The following GALNT10 variants were observed in gnomAD, a reference collection of about 807,000 sequenced individuals.
GALNT10 encodes GalNAc transferase 10.
A neutral mutation model predicts 75.0 loss-of-function variants in GALNT10; 41 were observed. That is an observed-to-expected ratio of 0.55 (90% confidence interval 0.43 to 0.71). The LOEUF is 0.71. GALNT10 is among the 30% of genes least tolerant of loss of function. The pLI, the probability that GALNT10 is intolerant of heterozygous loss-of-function variation, is 0.00. For missense variants in GALNT10, 727 were observed against 818.5 expected, an observed-to-expected ratio of 0.89 and a Z score of 1.36; for synonymous variants, 302 against 313.0, an observed-to-expected ratio of 0.96 and a Z score of 0.37.
rs1334270010 is a variant in GALNT10 at position 154,415,756 on chromosome 5, C to T, written c.1504-27C>T. On this transcript the variant is annotated intron_variant, in intron 10 of 11. Coordinates refer to ENST00000297107, the MANE Select transcript of GALNT10 (RefSeq NM_198321.4). ...AAAAGAAAGTCCTTGGCTTTGCTATCCCTATTTATGATGCCCCTGTGCACA... is the reference window on the plus strand; with the variant it reads ...AAAAGAAAGTCCTTGGCTTTGCTATTCCTATTTATGATGCCCCTGTGCACA... 3.1e-6 allele frequency: 5 copies of T among 1,594,248 alleles called. No homozygotes were observed. In the Admixed American group the frequency reaches 9.0e-5, roughly 29 times the overall value.
intron 1 of GALNT10, among the ~76,000 whole-genome samples, chr5:154,262,754 T>C (rs1753718026): frequency 6.6e-6 from 1 of 152,140 alleles, no homozygotes; most frequent in South Asian, 2.1e-4. Flanking sequence ...AAGTTGTCAG[T>C]GCAATGGGCA....
At chr5:154,349,195 G>A (rs1354029705) in intron 4 of GALNT10, among the ~76,000 whole-genome samples, 1 of 152,022 alleles carries the variant, frequency 6.6e-6, no homozygotes, top group African/African-American at 2.4e-5. Flanking sequence ...TAAGGGAACA[G>A]CATAAGCAAA....
At chr5:154,210,011 A>G (rs950982019) in intron 1 of GALNT10, among the ~76,000 whole-genome samples, 1 of 149,736 alleles carries the variant, frequency 6.7e-6, no homozygotes, top group African/African-American at 2.6e-5. Context: ...TTATTTTTTT[A>G]AAGTTATTTA....
chr5:154,347,313 C>T (rs1365745059), intron 4 of GALNT10: 1 of 438,962 alleles, frequency 2.3e-6, no homozygotes, highest in East Asian at 8.6e-5. Context: ...GAGTGATACA[C>T]TATTATGCAC....
intron 1 of GALNT10, among the ~76,000 whole-genome samples, chr5:154,213,147 A>G (rs1006828450): frequency 6.6e-6 from 1 of 152,186 alleles, no homozygotes; most frequent in African/African-American, 2.4e-5. Context: ...TGTGATGAGC[A>G]TTAGGTGCTA....
At chr5:154,209,562 G>A (rs767981653) in intron 1 of GALNT10, among the ~76,000 whole-genome samples, 18 of 152,204 alleles carry the variant, frequency 1.2e-4, no homozygotes, top group Admixed American at 5.9e-4. Context: ...AGGTTCTTGC[G>A]GAGGGCTCTC....
chr5:154,419,054 A>T lies in GALNT10; in HGVS notation c.*2082A>T, dbSNP rs1480677413. The T allele has an allele frequency of 1.3e-5, 2 of 152,490 alleles. No homozygotes were observed. Among genetic ancestry groups the T allele is most frequent in the African/African-American group, 4.8e-5 (2 of 41,410 alleles). 9.4% of individuals were successfully genotyped at this position (152,490 alleles called of 1,614,324 possible). ...TTGAACCATTTCCTAGTGCCTTGCT[A>T]GACAAACATAAAGGGGCAGGGTTGT... On this transcript the variant is annotated 3_prime_UTR_variant, in exon 12 of 12. Coordinates refer to ENST00000297107, the MANE Select transcript of GALNT10 (RefSeq NM_198321.4).
chr5:154,389,191 C>T (rs1305787263), intron 7 of GALNT10: 1 of 151,618 alleles, frequency 6.6e-6, no homozygotes. Flanking sequence ...CACTATGAGA[C>T]CAATTTTTAT....
chr5:154,254,429 T>C (rs1753575308), intron 1 of GALNT10, among the ~76,000 whole-genome samples: 1 of 152,166 alleles, frequency 6.6e-6, no homozygotes, highest in African/African-American at 2.4e-5. Flanking sequence ...CAAAGAAATG[T>C]TTACTAAGAG....
At chr5:154,215,562 C>G (rs1752853138) in intron 1 of GALNT10, among the ~76,000 whole-genome samples, 1 of 152,206 alleles carries the variant, frequency 6.6e-6, no homozygotes, top group African/African-American at 2.4e-5. Flanking sequence ...GTGGAGGTCA[C>G]CACCTCTGTC....
intron 7 of GALNT10, among the ~76,000 whole-genome samples, chr5:154,390,205 G>A (rs989993931): frequency 2.0e-5 from 3 of 152,170 alleles, no homozygotes; most frequent in Admixed American, 1.3e-4. Context: ...CCCTGACTCC[G>A]GGACACTGTG....
At chr5:154,294,493 G>C (rs1463326183) in intron 1 of GALNT10, among the ~76,000 whole-genome samples, 2 of 152,212 alleles carry the variant, frequency 1.3e-5, no homozygotes, top group South Asian at 4.1e-4. Flanking sequence ...GGTTACACAT[G>C]TGGCTCACGT....
intron 1 of GALNT10, among the ~76,000 whole-genome samples, chr5:154,263,317 A>G (rs953663894): frequency 6.6e-6 from 1 of 152,198 alleles, no homozygotes; most frequent in Non-Finnish European, 1.5e-5. Flanking sequence ...ATTCAGCTGT[A>G]AAAAGGAATG....
intron 3 of GALNT10, among the ~76,000 whole-genome samples, chr5:154,307,742 T>A (rs1404865326): frequency 2.0e-5 from 3 of 151,768 alleles, no homozygotes; most frequent in Non-Finnish European, 4.4e-5. Context: ...ACAAAGATAT[T>A]ACAAAAAAAG....
intron 3 of GALNT10, among the ~76,000 whole-genome samples, chr5:154,302,013 CTT>C (rs755900268): frequency 1.3e-5 from 2 of 152,202 alleles, no homozygotes; most frequent in African/African-American, 2.4e-5. Context: ...TGGAAGCTGA[CTT>C]TTCAGAAATG....
At chr5:154,246,450 C>T (rs954568708) in intron 1 of GALNT10, among the ~76,000 whole-genome samples, 2 of 152,210 alleles carry the variant, frequency 1.3e-5, no homozygotes, top group African/African-American at 4.8e-5. Flanking sequence ...TCCTATTTCT[C>T]CACATCCTCT....
chr5:154,242,176 C>T (rs1332488526), intron 1 of GALNT10, among the ~76,000 whole-genome samples: 1 of 152,142 alleles, frequency 6.6e-6, no homozygotes, highest in Non-Finnish European at 1.5e-5. Context: ...TAGTAATTAC[C>T]AGAGTCTTGA....
chr5:154,285,409 A>G (rs1754096992), intron 1 of GALNT10, among the ~76,000 whole-genome samples: 1 of 152,154 alleles, frequency 6.6e-6, no homozygotes, highest in Non-Finnish European at 1.5e-5. Context: ...TTGAAACTTA[A>G]AAGTAACATG....
intron 1 of GALNT10, among the ~76,000 whole-genome samples, chr5:154,264,626 A>G (rs916198048): frequency 3.3e-5 from 5 of 152,146 alleles, no homozygotes; most frequent in Non-Finnish European, 7.4e-5. Context: ...AAACTTTTCT[A>G]TTGAAATTGT....
Sources: allele counts gnomAD v4.1 joint callset (sites outside exome capture counted in the v4.1 genomes callset), GRCh38; gene constraint gnomAD v4.1.1; transcripts MANE v1.5; gene names NCBI Gene and HGNC (gene_info 2026-07-23, HGNC 2026-07-21).